The following FAM53A variants were observed in gnomAD, a reference collection of about 807,000 sequenced individuals.
FAM53A encodes protein FAM53A.
In FAM53A, 28 loss-of-function variants were observed where a neutral mutation model predicts 26.6. The observed-to-expected ratio is 1.05, with a 90% CI of 0.78 to 1.45. FAM53A has a LOEUF of 1.45. Ranked by LOEUF, FAM53A falls within the 40% of genes most tolerant of loss-of-function variation. The pLI is 0.00. For synonymous variants in FAM53A, 290 were observed against 253.1 expected, an observed-to-expected ratio of 1.15 and a Z score of -1.38; for missense variants, 650 against 575.8, an observed-to-expected ratio of 1.13 and a Z score of -1.32.
chr4:1,614,884 A>G (rs1369906763), downstream of FAM53A, among the ~76,000 whole-genome samples: 2 of 152,168 alleles, frequency 1.3e-5, no homozygotes, highest in African/African-American at 2.4e-5. Context: ...GGGGTGCCCC[A>G]TGGCCGTCCT....
chr4:1,643,938 C>T (rs1009005729), intron 4 of FAM53A, among the ~76,000 whole-genome samples: 3 of 152,196 alleles, frequency 2.0e-5, no homozygotes, highest in African/African-American at 7.2e-5. Flanking sequence ...ACTTATTTTT[C>T]ATTCAAATCA....
chr4:1,574,363 G>A, the FAM53A span: 2 of 152,510 alleles, frequency 1.3e-5, no homozygotes, highest in African/African-American at 4.8e-5. Flanking sequence ...CTGGTCTTGG[G>A]GGTTGTCTCA....
At chr4:1,596,262 C>A in the FAM53A span, among the ~76,000 whole-genome samples, 2 of 152,238 alleles carry the variant, frequency 1.3e-5, no homozygotes, top group South Asian at 4.1e-4. Flanking sequence ...GCTGGGCTGG[C>A]AGGTCCCCTC....
At chr4:1,607,617 TG>T in the FAM53A span, among the ~76,000 whole-genome samples, 1 of 152,034 alleles carries the variant, frequency 6.6e-6, no homozygotes, top group Non-Finnish European at 1.5e-5. Flanking sequence ...ACATCCATCC[TG>T]TGGAAATCAA....
downstream of FAM53A, among the ~76,000 whole-genome samples, chr4:1,638,105 G>A (rs564457795): frequency 3.3e-5 from 5 of 152,080 alleles, no homozygotes; most frequent in South Asian, 2.1e-4. Context: ...GCATCCACAC[G>A]AGGCAGCAGG....
intron 1 of FAM53A, among the ~76,000 whole-genome samples, chr4:1,622,530 A>T (rs1222123584): frequency 2.6e-5 from 4 of 152,166 alleles, no homozygotes. Context: ...CTGCCCTGTG[A>T]CTGGCAGTAC....
At chr4:1,682,869 G>C (rs6599398) in intron 1 of FAM53A, among the ~76,000 whole-genome samples, 94,557 of 152,238 alleles carry the variant, frequency 0.62, 31,240 homozygotes, top group Admixed American at 0.73. Flanking sequence ...GTCCCCACGT[G>C]CAATCTAAGA....
At position 1,659,586 on chromosome 4, in the gene FAM53A, C is replaced by T. The variant is rs1045535204; in HGVS notation, c.76-2118G>A. ...AGCAGCTACTCCCAGTGGCACTGGCCGTGTGGGATGTGGGTGCAGCAGACA... is the reference window on the plus strand; with the variant it reads ...AGCAGCTACTCCCAGTGGCACTGGCTGTGTGGGATGTGGGTGCAGCAGACA... On this transcript the variant is annotated intron_variant, in intron 2 of 4. Coordinates refer to ENST00000308132, the MANE Select transcript of FAM53A (RefSeq NM_001174070.3). This position sits in a 1 kb window ranked among gnomAD's most constrained non-coding sequence, Gnocchi z 5.2. 2.0e-5 allele frequency among the ~76,000 whole-genome samples: 3 copies of T among 152,186 alleles called. No homozygotes were observed. Among genetic ancestry groups the T allele is most frequent in the Admixed American group, 1.3e-4 (2 of 15,286 alleles).
intron 1 of FAM53A, among the ~76,000 whole-genome samples, chr4:1,623,466 C>T (rs942115931): frequency 1.3e-5 from 2 of 152,226 alleles, no homozygotes; most frequent in South Asian, 2.1e-4. Flanking sequence ...GGCTCGCCAG[C>T]GCTTTCACCG....
At chr4:1,599,201 G>A in the FAM53A span, among the ~76,000 whole-genome samples, 2 of 149,736 alleles carry the variant, frequency 1.3e-5, no homozygotes, top group Non-Finnish European at 3.0e-5. The surrounding 1 kb of genome is among the most constrained non-coding windows in gnomAD (Gnocchi z 6.1). Flanking sequence ...CTTCGCCGAG[G>A]CCAGGGGATC....
At chr4:1,633,824 A>T (rs1365795864) in intron 1 of FAM53A, among the ~76,000 whole-genome samples, 1 of 152,102 alleles carries the variant, frequency 6.6e-6, no homozygotes. Context: ...CATATACATT[A>T]CCAGAATTAA....
chr4:1,652,257 C>T (rs796545237), intron 4 of FAM53A, among the ~76,000 whole-genome samples: 67 of 146,694 alleles, frequency 4.6e-4, no homozygotes, highest in African/African-American at 1.4e-3. Context: ...ACACACCACA[C>T]GCCAGACACC....
At position 1,646,212 on chromosome 4, in the gene FAM53A, T is replaced by C. The variant is rs979693571; in HGVS notation, c.883-4605A>G. On this transcript the variant is annotated intron_variant, in intron 4 of 4. Transcript: ENST00000308132. ...GCCTCCCGGGTTCAGGCCATTCTCCTGCCTCAGCCTCCCAAGTAGCTGGGA... is the reference window on the plus strand; with the variant it reads ...GCCTCCCGGGTTCAGGCCATTCTCCCGCCTCAGCCTCCCAAGTAGCTGGGA... Among the ~76,000 whole-genome samples the C allele has an allele frequency of 4.7e-4, 71 of 152,238 alleles. 1 individual carries two copies. Among genetic ancestry groups the C allele is most frequent in the African/African-American group, 1.6e-3 (67 of 41,534 alleles).
At chr4:1,622,480 C>T (rs1171656046) in intron 1 of FAM53A, among the ~76,000 whole-genome samples, 1 of 152,244 alleles carries the variant, frequency 6.6e-6, no homozygotes, top group Non-Finnish European at 1.5e-5. Context: ...GCTCCTCCTC[C>T]CTCCCAGGGC....
the FAM53A span, among the ~76,000 whole-genome samples, chr4:1,576,129 G>A: frequency 6.6e-6 from 1 of 152,194 alleles, no homozygotes; most frequent in South Asian, 2.1e-4. Flanking sequence ...GAGCAAATCA[G>A]GGCCCTAGTC....
chr4:1,587,897 A>G, the FAM53A span, among the ~76,000 whole-genome samples: 1 of 152,174 alleles, frequency 6.6e-6, no homozygotes, highest in Non-Finnish European at 1.5e-5. Context: ...TTTAATTTAT[A>G]TTTAATATTT....
chr4:1,584,773 C>G, the FAM53A span, among the ~76,000 whole-genome samples: 1 of 152,344 alleles, frequency 6.6e-6, no homozygotes, highest in East Asian at 1.9e-4. Context: ...GCCCCTATGG[C>G]AAGTGTCCCA....
the FAM53A span, among the ~76,000 whole-genome samples, chr4:1,604,731 C>A: frequency 6.6e-6 from 1 of 152,166 alleles, no homozygotes; most frequent in East Asian, 1.9e-4. Context: ...CACGCCCTCC[C>A]GCCTCCTCCT....
chr4:1,583,886 T>C, the FAM53A span, among the ~76,000 whole-genome samples: 3 of 152,246 alleles, frequency 2.0e-5, no homozygotes, highest in Non-Finnish European at 4.4e-5. Flanking sequence ...CTCTGATGGG[T>C]GCAGAGTTTA....
Sources: allele counts gnomAD v4.1 joint callset (sites outside exome capture counted in the v4.1 genomes callset), GRCh38; gene constraint gnomAD v4.1.1; non-coding constraint Gnocchi (gnomAD v3.1); transcripts MANE v1.5; gene names NCBI Gene and HGNC (gene_info 2026-07-23, HGNC 2026-07-21).